PTPRM: variants seen among roughly 807,000 people sequenced by gnomAD.
The protein encoded by PTPRM is protein tyrosine phosphatase receptor type M.
A neutral mutation model predicts 186.7 loss-of-function variants in PTPRM; 47 were observed. The observed-to-expected ratio is 0.25, with a 90% CI of 0.20 to 0.32. The LOEUF is 0.32. Among genes scored for constraint, PTPRM ranks in the 10% least tolerant of loss-of-function variants. The pLI, the probability that PTPRM is intolerant of heterozygous loss-of-function variation, is 1.00. For synonymous variants in PTPRM, 668 were observed against 674.9 expected, an observed-to-expected ratio of 0.99 and a Z score of 0.16; for missense variants, 1,494 against 1,865.0, an observed-to-expected ratio of 0.80 and a Z score of 3.66.
chr18:8,156,674 C>G (rs2093128141), intron 14 of PTPRM, among the ~76,000 whole-genome samples: 1 of 152,174 alleles, frequency 6.6e-6, no homozygotes, highest in Non-Finnish European at 1.5e-5. Flanking sequence ...AAACATGCAC[C>G]TTGCTCTGTA....
rs143334569 is a variant in PTPRM at position 8,166,160 on chromosome 18, G to C, written c.2300+22381G>C. Among the ~76,000 whole-genome samples, 599 of 152,242 alleles carry C rather than the reference G, an allele frequency of 3.9e-3. 1 individual carries two copies. Among genetic ancestry groups the C allele is most frequent in the Middle Eastern group, 6.8e-3 (2 of 294 alleles). The stretch of plus-strand genomic sequence containing the variant: ...TGAATAAACGCAGATCCTATCTATG[G>C]GAGTGCCTTGGTGCCTTGCCTACTG... On this transcript the variant is annotated intron_variant, in intron 14 of 32. Coordinates refer to ENST00000580170, the MANE Select transcript of PTPRM (RefSeq NM_001105244.2).
At chr18:7,821,270 T>G (rs2045177496) in intron 2 of PTPRM, among the ~76,000 whole-genome samples, 1 of 152,142 alleles carries the variant, frequency 6.6e-6, no homozygotes, top group African/African-American at 2.4e-5. Context: ...ATGTGAACAG[T>G]CTCATCCAAG....
At chr18:8,026,533 G>A (rs1483078471) in intron 7 of PTPRM, among the ~76,000 whole-genome samples, 3 of 152,126 alleles carry the variant, frequency 2.0e-5, no homozygotes, top group South Asian at 4.1e-4. Flanking sequence ...TATTTCAACA[G>A]TATTTCAGTT....
chr18:8,129,622 A>G (rs2092454389), intron 13 of PTPRM, among the ~76,000 whole-genome samples: 1 of 152,170 alleles, frequency 6.6e-6, no homozygotes, highest in Admixed American at 6.5e-5. Context: ...GCTCTCTTGT[A>G]CATAAACACT....
intron 14 of PTPRM, among the ~76,000 whole-genome samples, chr18:8,172,870 TG>T (rs1284609752): frequency 6.6e-6 from 1 of 152,218 alleles, no homozygotes; most frequent in African/African-American, 2.4e-5. Context: ...CTAACTCACC[TG>T]GCACTGTAAT....
chr18:7,611,784 C>T (rs1177910797), intron 1 of PTPRM, among the ~76,000 whole-genome samples: 2 of 152,148 alleles, frequency 1.3e-5, no homozygotes, highest in Non-Finnish European at 2.9e-5. Flanking sequence ...TGCCTGCTGC[C>T]ATCCACGTAA....
At chr18:8,244,284 C>CCA (rs1836410900) in intron 15 of PTPRM, 75 bp downstream of exon 15, 1 of 1,022,228 alleles carries the variant, frequency 9.8e-7, no homozygotes, top group Admixed American at 3.5e-5. Context: ...TAGGGGATTT[C>CCA]AAAAAAAAAA....
chr18:8,032,439 A>G (rs865827711), intron 7 of PTPRM, among the ~76,000 whole-genome samples: 6 of 152,302 alleles, frequency 3.9e-5, no homozygotes, highest in Middle Eastern at 6.8e-3. Context: ...TTTCATTTAC[A>G]GCATCAATAA....
At chr18:7,942,806 C>T (rs1410529575) in intron 5 of PTPRM, among the ~76,000 whole-genome samples, 1 of 152,094 alleles carries the variant, frequency 6.6e-6, no homozygotes, top group Non-Finnish European at 1.5e-5. Flanking sequence ...TCTCTCCTCC[C>T]TTCTCCTCCC....
chr18:8,153,325 T>C (rs2093052821), intron 14 of PTPRM, among the ~76,000 whole-genome samples: 2 of 152,184 alleles, frequency 1.3e-5, no homozygotes, highest in African/African-American at 4.8e-5. Context: ...TTCTGCAATA[T>C]TAATTCATGA....
At chr18:7,601,215 C>T (rs1047416350) in intron 1 of PTPRM, among the ~76,000 whole-genome samples, 6 of 152,194 alleles carry the variant, frequency 3.9e-5, no homozygotes, top group Non-Finnish European at 7.3e-5. Flanking sequence ...TGAACAGTTT[C>T]GTGGATCTTA....
intron 1 of PTPRM, among the ~76,000 whole-genome samples, chr18:7,613,718 C>T (rs1598527148): frequency 6.6e-6 from 1 of 152,006 alleles, no homozygotes; most frequent in African/African-American, 2.4e-5. Context: ...GTTGCCTATG[C>T]AGTTATCCAT....
chr18:8,118,179 T>C (rs1009144917), intron 13 of PTPRM, among the ~76,000 whole-genome samples: 2 of 152,260 alleles, frequency 1.3e-5, no homozygotes, highest in African/African-American at 4.8e-5. Context: ...GTTTAAAGTA[T>C]GCACATTATA....
In PTPRM at chr18:7,662,515, C is replaced by T. The variant is rs938085257; in HGVS notation, c.73+94624C>T. ...TATTTGTAGGAGCTAAAAATTAAAA[C>T]AGTTGAATTCATGGAAATAGAGAGT... On this transcript the variant is annotated intron_variant, in intron 1 of 32. Transcript: ENST00000580170. 2.0e-5 allele frequency among the ~76,000 whole-genome samples: 3 copies of T among 152,062 alleles called. No homozygotes were observed. In the East Asian group the frequency reaches 5.8e-4, roughly 29 times the overall value.
chr18:7,720,398 A>T (rs888414169), intron 1 of PTPRM, among the ~76,000 whole-genome samples: 1 of 152,168 alleles, frequency 6.6e-6, no homozygotes, highest in Non-Finnish European at 1.5e-5. Flanking sequence ...ACCCAAGAAC[A>T]CATGGAAATT....
intron 1 of PTPRM, among the ~76,000 whole-genome samples, chr18:7,628,338 T>C (rs903835051): frequency 6.6e-6 from 1 of 152,246 alleles, no homozygotes; most frequent in African/African-American, 2.4e-5. Context: ...ATGATTCTAC[T>C]TAAAATTAAT....
rs1293395392 is a variant in PTPRM, at chr18:8,345,118, C to T, written c.3054+1598C>T. On this transcript the variant is annotated intron_variant, in intron 23 of 32. Coordinates refer to ENST00000580170, the MANE Select transcript of PTPRM (RefSeq NM_001105244.2). The stretch of plus-strand genomic sequence containing the variant: ...ATGATAGTGTTAAAGTTGTCACATG[C>T]AAATAACATGGTACCAGAGAAGGAA... Among the ~76,000 whole-genome samples the T allele has an allele frequency of 2.0e-5, 3 of 152,022 alleles. 1 individual carries two copies. Among genetic ancestry groups the T allele is most frequent in the Admixed American group, 2.0e-4 (3 of 15,268 alleles).
intron 1 of PTPRM, among the ~76,000 whole-genome samples, chr18:7,736,369 G>GA (rs1334881620): frequency 5.9e-5 from 9 of 151,884 alleles, no homozygotes; most frequent in African/African-American, 2.2e-4. Flanking sequence ...ACCCAGGCTG[G>GA]AGTGCAGTGG....
intron 11 of PTPRM, among the ~76,000 whole-genome samples, chr18:8,097,433 G>A (rs1244654752): frequency 2.6e-5 from 4 of 152,142 alleles, no homozygotes; most frequent in African/African-American, 9.7e-5. Context: ...AGTAGTAAGA[G>A]CTCTGTCCAG....
Sources: gnomAD v4.1 joint callset for allele counts (sites outside exome capture counted in the v4.1 genomes callset) on GRCh38, gnomAD v4.1.1 for gene constraint, MANE v1.5 for transcripts, NCBI Gene and HGNC (gene_info 2026-07-23, HGNC 2026-07-21) for gene names.